Variants in SOX5 observed in about 807,000 individuals in gnomAD.
SOX5 encodes transcription factor SOX-5.
A neutral mutation model predicts 92.0 loss-of-function variants in SOX5; 9 were observed. The ratio of observed to expected loss-of-function variants is 0.10; its 90% confidence interval spans 0.06 to 0.17. SOX5 has a LOEUF of 0.17. SOX5 is among the 10% of genes least tolerant of loss of function. The pLI, the probability that SOX5 is intolerant of heterozygous loss-of-function variation, is 1.00. For missense variants in SOX5, 642 were observed against 944.5 expected (o/e 0.68, Z 4.20); for synonymous variants, 344 against 336.3 (o/e 1.02, Z -0.25).
chr12:24,176,560 CA>C (rs1377673908), intron 4 of SOX5, among the ~76,000 whole-genome samples: 1 of 152,184 alleles, frequency 6.6e-6, no homozygotes. Context: ...CTACAATGAG[CA>C]AATTGCCTAC....
chr12:24,537,958 G>A (rs1365162082), intron 1 of SOX5, among the ~76,000 whole-genome samples: 1 of 152,128 alleles, frequency 6.6e-6, no homozygotes, highest in East Asian at 1.9e-4. Context: ...TTCGATTGAT[G>A]TTTCCTTTTA....
At chr12:23,585,004 G>C (rs988003161) in intron 9 of SOX5, among the ~76,000 whole-genome samples, 1 of 151,920 alleles carries the variant, frequency 6.6e-6, no homozygotes, top group African/African-American at 2.4e-5. Context: ...AAATTTACTA[G>C]ATACTATTAA....
At chr12:24,351,906 C>T (rs1954133136) in intron 2 of SOX5, among the ~76,000 whole-genome samples, 1 of 152,194 alleles carries the variant, frequency 6.6e-6, no homozygotes, top group Non-Finnish European at 1.5e-5. Context: ...TTTCAGTGAT[C>T]CAGGTCATTA....
chr12:23,974,085 A>G (rs1948650176), intron 4 of SOX5, among the ~76,000 whole-genome samples: 1 of 152,214 alleles, frequency 6.6e-6, no homozygotes. Context: ...GAGCACAGTA[A>G]GAGATTAATA....
chr12:23,977,955 A>G (rs967868773), intron 4 of SOX5, among the ~76,000 whole-genome samples: 1 of 152,210 alleles, frequency 6.6e-6, no homozygotes, highest in Non-Finnish European at 1.5e-5. Context: ...TGTGTTGTGA[A>G]TTCCAAATTC....
intron 2 of SOX5, among the ~76,000 whole-genome samples, chr12:24,286,263 C>T (rs1945850298): frequency 6.6e-6 from 1 of 152,144 alleles, no homozygotes; most frequent in Admixed American, 6.5e-5. Context: ...AATGGTAAGA[C>T]AATATTTCAA....
At chr12:24,279,380 C>T (rs1486903388) in intron 2 of SOX5, among the ~76,000 whole-genome samples, 1 of 152,032 alleles carries the variant, frequency 6.6e-6, no homozygotes, top group Non-Finnish European at 1.5e-5. Flanking sequence ...AAGTACTCTG[C>T]ACCCAAATTT....
chr12:23,682,867 A>C (rs1211513837), intron 6 of SOX5, among the ~76,000 whole-genome samples: 2 of 151,898 alleles, frequency 1.3e-5, no homozygotes, highest in Non-Finnish European at 3.0e-5. Flanking sequence ...AAAATAAAGA[A>C]AAAGCTACTT....
At chr12:23,665,188 T>C (rs1380111620) in intron 7 of SOX5, among the ~76,000 whole-genome samples, 1 of 152,106 alleles carries the variant, frequency 6.6e-6, no homozygotes, top group Non-Finnish European at 1.5e-5. Flanking sequence ...ACCCACAAAT[T>C]ACATTCATAC....
At chr12:23,829,254 C>T (rs1043397678) in intron 3 of SOX5, among the ~76,000 whole-genome samples, 11 of 152,132 alleles carry the variant, frequency 7.2e-5, no homozygotes, top group African/African-American at 2.2e-4. Context: ...TTAATATGCA[C>T]GGTCCTGACA....
chr12:23,952,555 G>A (rs982972872), upstream of SOX5, among the ~76,000 whole-genome samples: 3 of 152,116 alleles, frequency 2.0e-5, no homozygotes, highest in African/African-American at 7.2e-5. Flanking sequence ...ATGTTAAATG[G>A]TTTGAAAGTT....
chr12:24,448,994 C>T (rs989037839), intron 1 of SOX5, among the ~76,000 whole-genome samples: 3 of 152,128 alleles, frequency 2.0e-5, no homozygotes, highest in Non-Finnish European at 2.9e-5. Context: ...CGCTACACCC[C>T]GCTTCCATTT....
chr12:24,388,370 G>A (rs916228957), intron 1 of SOX5, among the ~76,000 whole-genome samples: 1 of 152,210 alleles, frequency 6.6e-6, no homozygotes, highest in Middle Eastern at 3.4e-3. Context: ...TTGAAAATGG[G>A]AGGCATCAGA....
chr12:23,794,527 AG>A, intron 3 of SOX5, among the ~76,000 whole-genome samples: 1 of 152,100 alleles, frequency 6.6e-6, no homozygotes, highest in Admixed American at 6.6e-5. Flanking sequence ...GCAGGGTTAG[AG>A]GTAGAGCCTT....
At chr12:23,778,505 G>T (rs547490041) in intron 3 of SOX5, among the ~76,000 whole-genome samples, 1 of 152,296 alleles carries the variant, frequency 6.6e-6, no homozygotes, top group South Asian at 2.1e-4. Flanking sequence ...TATGTGTAGG[G>T]CATAAAATGG....
intron 1 of SOX5, among the ~76,000 whole-genome samples, chr12:23,914,915 G>A (rs2097396829): frequency 6.6e-6 from 1 of 152,044 alleles, no homozygotes; most frequent in Non-Finnish European, 1.5e-5. Context: ...CTATTGGATT[G>A]TAAACTCTGA....
At chr12:23,741,429 C>T (rs1370248010) in intron 4 of SOX5, among the ~76,000 whole-genome samples, 1 of 151,968 alleles carries the variant, frequency 6.6e-6, no homozygotes, top group East Asian at 1.9e-4. Context: ...CTAGGGCCAG[C>T]TGGAAATAAA....
intron 9 of SOX5, among the ~76,000 whole-genome samples, chr12:23,581,487 T>G (rs1950032626): frequency 6.6e-6 from 1 of 152,142 alleles, no homozygotes; most frequent in Non-Finnish European, 1.5e-5. Flanking sequence ...AATATTTACC[T>G]AAATTAATGA....
chr12:24,535,165 C>T (rs1225141591), intron 1 of SOX5, among the ~76,000 whole-genome samples: 2 of 152,288 alleles, frequency 1.3e-5, no homozygotes, highest in South Asian at 2.1e-4. Context: ...GGGCTAAAAT[C>T]GGCTCTTGGC....
Sources: gnomAD v4.1 joint callset for allele counts (sites outside exome capture counted in the v4.1 genomes callset) on GRCh38, gnomAD v4.1.1 for gene constraint, MANE v1.5 for transcripts, NCBI Gene and HGNC (gene_info 2026-07-23, HGNC 2026-07-21) for gene names.